The following PCDHGA1 variants were observed in gnomAD, a reference collection of about 807,000 sequenced individuals.
The protein encoded by PCDHGA1 is protocadherin gamma subfamily A, 1.
PCDHGA1 carries 32 observed loss-of-function variants against 58.0 expected under a neutral mutation model. The observed-to-expected ratio is 0.55, with a 90% CI of 0.42 to 0.74. The LOEUF (loss-of-function observed/expected upper bound fraction) is 0.74. Among genes scored for constraint, PCDHGA1 ranks in the 30% least tolerant of loss-of-function variants. PCDHGA1 has a pLI of 0.00. For synonymous variants in PCDHGA1, 498 were observed against 501.1 expected, an observed-to-expected ratio of 0.99 and a Z score of 0.08; for missense variants, 1,205 against 1,182.3, an observed-to-expected ratio of 1.02 and a Z score of -0.28.
intron 1 of PCDHGA1, among the ~76,000 whole-genome samples, chr5:141,469,315 G>A (rs1160946697): frequency 6.6e-6 from 1 of 151,866 alleles, no homozygotes; most frequent in African/African-American, 2.4e-5. Flanking sequence ...GATGGCTCAC[G>A]CCTGTAATCC....
intron 1 of PCDHGA1, chr5:141,389,259 G>C (rs374136353): frequency 6.2e-7 from 1 of 1,613,888 alleles, no homozygotes; most frequent in Non-Finnish European, 8.5e-7. Flanking sequence ...TATAGTCCAC[G>C]TGGCCGAGAA....
chr5:141,361,583 C>G (rs1762083225), intron 1 of PCDHGA1: 1 of 1,613,914 alleles, frequency 6.2e-7, no homozygotes, highest in Admixed American at 1.7e-5. Flanking sequence ...GACTTGGGCC[C>G]CAGTGGCCAA....
intron 1 of PCDHGA1, among the ~76,000 whole-genome samples, chr5:141,400,862 A>C (rs1239905125): frequency 6.6e-6 from 1 of 152,224 alleles, no homozygotes; most frequent in African/African-American, 2.4e-5. Context: ...TTGTATGTAG[A>C]TAAACCATTA....
intron 1 of PCDHGA1, chr5:141,419,059 T>C (rs574873856): frequency 1.6e-5 from 26 of 1,613,962 alleles, no homozygotes; most frequent in Non-Finnish European, 2.0e-5. Context: ...CTTCTAATAA[T>C]TACTACAAGC....
At position 141,384,946 on chromosome 5, in the gene PCDHGA1, G is replaced by A. The variant is rs749521895; in HGVS notation, c.2421+51841G>A. The A allele has an allele frequency of 1.2e-5, 19 of 1,613,924 alleles. No individual in the cohort carries two copies. Among genetic ancestry groups the A allele is most frequent in the Non-Finnish European group, 1.4e-5 (17 of 1,180,030 alleles). On this transcript the variant is annotated intron_variant, in intron 1 of 3. Transcript: ENST00000517417. ...CCTGGGCAGCCTTGAGCCCTCCGACGGTCCTTACAACTATGACCTCACGTT... is the reference window on the plus strand; with the variant it reads ...CCTGGGCAGCCTTGAGCCCTCCGACAGTCCTTACAACTATGACCTCACGTT...
intron 1 of PCDHGA1, chr5:141,426,943 C>T: frequency 2.2e-6 from 1 of 456,736 alleles, no homozygotes; most frequent in Non-Finnish European, 4.4e-6. Flanking sequence ...GACCCAGTCC[C>T]AACTGGCACT....
At chr5:141,419,433 T>A (rs1333004780) in intron 1 of PCDHGA1, 6 of 1,613,246 alleles carry the variant, frequency 3.7e-6, no homozygotes, top group Non-Finnish European at 5.1e-6. Flanking sequence ...CACGAGCAGC[T>A]GCGCACCTTC....
chr5:141,415,885 C>A (rs778154458), intron 1 of PCDHGA1: 7 of 978,904 alleles, frequency 7.2e-6, no homozygotes, highest in Non-Finnish European at 9.6e-6. Context: ...ACAATATTGA[C>A]AATTCCTAAG....
At chr5:141,394,458 A>G (rs776488659) in intron 1 of PCDHGA1, 1 of 1,614,218 alleles carries the variant, frequency 6.2e-7, no homozygotes, top group South Asian at 1.1e-5. Context: ...CATGTCACTG[A>G]GCCTGTTCGT....
intron 1 of PCDHGA1, chr5:141,377,186 T>G (rs1773756873): frequency 6.6e-6 from 1 of 152,252 alleles, no homozygotes; most frequent in Non-Finnish European, 1.5e-5. Context: ...TGGCAAACTA[T>G]TTGTGTCTTG....
chr5:141,382,783 C>A, intron 1 of PCDHGA1: 1 of 871,086 alleles, frequency 1.1e-6, no homozygotes. Flanking sequence ...TAAACTCAAG[C>A]CTCTATCCTG....
At chr5:141,349,156 T>C (rs1206412150) in intron 1 of PCDHGA1, among the ~76,000 whole-genome samples, 1 of 152,162 alleles carries the variant, frequency 6.6e-6, no homozygotes, top group Non-Finnish European at 1.5e-5. Flanking sequence ...CTGCAACCTC[T>C]GCCTCCTGAG....
Position 141,485,950 on chromosome 5 carries a change from G to A in PCDHGA1, c.2422-8857G>A. ...TGTTGGAGAGCGCACCAGCGGGCAT[G>A]GTGCTCATCCAGCTCAATGCCTCAG... On this transcript the variant is annotated intron_variant, in intron 1 of 3. Transcript: ENST00000517417. The surrounding 1 kb of genome is among the most constrained non-coding windows in gnomAD (Gnocchi z 5.7). 6.2e-7 allele frequency: 1 copy of A among 1,614,184 alleles called. No individual in the cohort carries two copies. The highest frequency in any genetic ancestry group is 8.5e-7 in the Non-Finnish European group (1 of 1,180,030).
chr5:141,462,471 C>T (rs1464947091), intron 1 of PCDHGA1, among the ~76,000 whole-genome samples: 1 of 152,020 alleles, frequency 6.6e-6, no homozygotes, highest in East Asian at 1.9e-4. Context: ...GTGTATTCTG[C>T]TTCTCGTGGT....
chr5:141,510,323 C>A (rs1173679711), intron 3 of PCDHGA1, among the ~76,000 whole-genome samples: 1 of 151,234 alleles, frequency 6.6e-6, no homozygotes, highest in East Asian at 2.0e-4. Flanking sequence ...TGGAAGAGCA[C>A]TCTTCACCCC....
chr5:141,485,134 C>T lies in PCDHGA1; in HGVS notation c.2422-9673C>T. The T allele has an allele frequency of 6.7e-7, 1 of 1,495,958 alleles. No homozygotes were observed. The highest frequency in any genetic ancestry group is 1.4e-5 in the African/African-American group (1 of 72,714). 92.7% of individuals were successfully genotyped at this position (1,495,958 alleles called of 1,614,324 possible). On this transcript the variant is annotated intron_variant, in intron 1 of 3. Transcript: ENST00000517417. The surrounding 1 kb of genome is among the most constrained non-coding windows in gnomAD (Gnocchi z 5.7). Reference sequence around the variant, plus strand: ...CTGTTTGGGGCGGGTCGGCTTCATCCGCGTCTCAGGAGCAAGTAGAGAATT... The same window carrying T: ...CTGTTTGGGGCGGGTCGGCTTCATCTGCGTCTCAGGAGCAAGTAGAGAATT...
intron 1 of PCDHGA1, chr5:141,422,001 C>T (rs2096616874): frequency 6.2e-7 from 1 of 1,609,114 alleles, no homozygotes; most frequent in Non-Finnish European, 8.5e-7. Context: ...ACATCAGCTC[C>T]GGAACTCGGG....
chr5:141,419,115 A>G (rs1159582360), intron 1 of PCDHGA1: 1 of 1,613,872 alleles, frequency 6.2e-7, no homozygotes, highest in Non-Finnish European at 8.5e-7. Flanking sequence ...CCAGAGTACA[A>G]CGTCACCATC....
rs770199497 is a variant in PCDHGA1 at position 141,339,687 on chromosome 5, C to A, written c.2421+6582C>A. Reference sequence around the variant, plus strand: ...AAGGTCCTGGATGCGAACGACAATGCGCCTGTTTTTACACAGCCCGAGTAC... The same window carrying A: ...AAGGTCCTGGATGCGAACGACAATGAGCCTGTTTTTACACAGCCCGAGTAC... On this transcript the variant is annotated intron_variant, in intron 1 of 3. Coordinates refer to ENST00000517417, the MANE Select transcript of PCDHGA1 (RefSeq NM_018912.3). The A allele has an allele frequency of 1.2e-6, 2 of 1,614,076 alleles. No homozygotes were observed. Among genetic ancestry groups the A allele is most frequent in the South Asian group, 1.1e-5 (1 of 91,084 alleles).
Sources: allele counts gnomAD v4.1 joint callset (sites outside exome capture counted in the v4.1 genomes callset), GRCh38; gene constraint gnomAD v4.1.1; non-coding constraint Gnocchi (gnomAD v3.1); transcripts MANE v1.5; gene names NCBI Gene and HGNC (gene_info 2026-07-23, HGNC 2026-07-21).